PRELID2: variants seen among roughly 807,000 people sequenced by gnomAD.
The protein encoded by PRELID2 is PRELI domain containing 2.
PRELID2 carries 25 observed loss-of-function variants against 28.4 expected under a neutral mutation model. The observed-to-expected ratio is 0.88, with a 90% confidence interval of 0.64 to 1.23. The LOEUF is 1.23. Among genes scored for constraint, PRELID2 ranks in the 50% most tolerant of loss-of-function variants. The pLI, the probability that PRELID2 is intolerant of heterozygous loss-of-function variation, is 0.00. For synonymous variants in PRELID2, 76 were observed against 71.6 expected (o/e 1.06, Z -0.31); for missense variants, 201 against 214.4 (o/e 0.94, Z 0.39).
At chr5:145,713,931 A>C (rs1755774386) in intron 1 of PRELID2, among the ~76,000 whole-genome samples, 1 of 151,768 alleles carries the variant, frequency 6.6e-6, no homozygotes, top group African/African-American at 2.4e-5. Context: ...TTCTATATTC[A>C]GTGAAATTGT....
chr5:145,611,215 G>A (rs960112086), intron 1 of PRELID2, among the ~76,000 whole-genome samples: 2 of 152,000 alleles, frequency 1.3e-5, no homozygotes, highest in African/African-American at 4.8e-5. Context: ...CCAGGCTGGA[G>A]TGCAGTGGCA....
intron 1 of PRELID2, among the ~76,000 whole-genome samples, chr5:145,575,984 T>G (rs1237828402): frequency 1.3e-5 from 2 of 152,160 alleles, no homozygotes; most frequent in Admixed American, 1.3e-4. Flanking sequence ...CCTAAATTAT[T>G]CCTGCCCATC....
chr5:145,712,274 C>T (rs529312595), intron 1 of PRELID2, among the ~76,000 whole-genome samples: 1 of 152,234 alleles, frequency 6.6e-6, no homozygotes, highest in Non-Finnish European at 1.5e-5. Context: ...TCATCACTTC[C>T]TAATGATTTT....
rs1755251526 is a variant in PRELID2, at chr5:145,695,956, C to A, written n.70+68975G>T. ...AATCACTGGGGTCCATTTTAGCTAA[C>A]CCTGGCTAGCTAATTAACTATGTTA... On this transcript the variant is annotated intron_variant and non_coding_transcript_variant, in intron 1 of 2. Transcript: ENST00000510259. Among the ~76,000 whole-genome samples the A allele has an allele frequency of 2.0e-5, 3 of 152,026 alleles. No individual in the cohort carries two copies. The South Asian group carries it at 6.2e-4, about 32-fold the overall frequency.
chr5:145,826,325 G>A (rs987137226), intron 1 of PRELID2: 1 of 283,886 alleles, frequency 3.5e-6, no homozygotes, highest in Admixed American at 6.5e-5. Flanking sequence ...TGAAAGCAAT[G>A]TGATCTGAAG....
At chr5:145,604,369 G>C (rs945280966) in intron 1 of PRELID2, among the ~76,000 whole-genome samples, 4 of 152,054 alleles carry the variant, frequency 2.6e-5, no homozygotes, top group African/African-American at 9.7e-5. Flanking sequence ...CTGTGCACTA[G>C]TTCGCTTAGG....
At chr5:145,755,682 A>G (rs1390321974), downstream of PRELID2, among the ~76,000 whole-genome samples, 2 of 152,082 alleles carry the variant, frequency 1.3e-5, no homozygotes, top group Admixed American at 6.6e-5. Flanking sequence ...TTTTAATCCC[A>G]TTTTCCTATG....
chr5:145,584,660 C>T (rs189726222), intron 1 of PRELID2, among the ~76,000 whole-genome samples: 80 of 152,052 alleles, frequency 5.3e-4, no homozygotes, highest in Non-Finnish European at 7.4e-4. Flanking sequence ...AAGACATTCA[C>T]GCATTCAACA....
chr5:145,576,676 T>TAAAA (rs61665534), intron 1 of PRELID2, among the ~76,000 whole-genome samples: 2 of 141,438 alleles, frequency 1.4e-5, no homozygotes, highest in Admixed American at 7.0e-5. Flanking sequence ...AGCACAATAG[T>TAAAA]AAAAAAAAAA....
the PRELID2 span, among the ~76,000 whole-genome samples, chr5:145,447,440 T>TC: frequency 4.0e-4 from 33 of 83,282 alleles, no homozygotes; most frequent in Non-Finnish European, 7.3e-4. Flanking sequence ...AAATCTTTTC[T>TC]TTTTTTTTTG....
intron 1 of PRELID2, among the ~76,000 whole-genome samples, chr5:145,703,292 T>C (rs1755456444): frequency 6.6e-6 from 1 of 152,216 alleles, no homozygotes; most frequent in South Asian, 2.1e-4. Context: ...TAAGTGAACT[T>C]CGTTGATTCA....
chr5:145,658,508 T>C (rs988928445), intron 1 of PRELID2, among the ~76,000 whole-genome samples: 1 of 152,194 alleles, frequency 6.6e-6, no homozygotes, highest in Non-Finnish European at 1.5e-5. Context: ...CATGAATGAC[T>C]TAGTGCCATC....
At chr5:145,519,594 A>G (rs1261427087) in intron 1 of PRELID2, among the ~76,000 whole-genome samples, 1 of 152,200 alleles carries the variant, frequency 6.6e-6, no homozygotes, top group Non-Finnish European at 1.5e-5. Context: ...TTTATTAGCC[A>G]TATTTATTTT....
intron 1 of PRELID2, among the ~76,000 whole-genome samples, chr5:145,825,732 C>T (rs1214972543): frequency 1.3e-5 from 2 of 152,098 alleles, no homozygotes; most frequent in African/African-American, 4.8e-5. Context: ...AGCCAAGAGC[C>T]TCAAGTTTCC....
intron 1 of PRELID2, among the ~76,000 whole-genome samples, chr5:145,715,765 A>T (rs963038520): frequency 6.6e-6 from 1 of 152,154 alleles, no homozygotes; most frequent in African/African-American, 2.4e-5. Context: ...TGTCCCATGG[A>T]TGGCTTCTTC....
At chr5:145,642,191 T>C (rs908586115) in intron 1 of PRELID2, among the ~76,000 whole-genome samples, 8 of 152,236 alleles carry the variant, frequency 5.3e-5, no homozygotes, top group East Asian at 1.9e-4. Flanking sequence ...TTCCTGATTT[T>C]TTAATGATTG....
chr5:145,617,100 C>G (rs1753709206), intron 1 of PRELID2, among the ~76,000 whole-genome samples: 1 of 152,200 alleles, frequency 6.6e-6, no homozygotes, highest in African/African-American at 2.4e-5. Context: ...AAGGTTATCT[C>G]TCTTGTTCCC....
the PRELID2 span, among the ~76,000 whole-genome samples, chr5:145,421,386 T>C: frequency 6.6e-6 from 1 of 151,068 alleles, no homozygotes; most frequent in African/African-American, 2.4e-5. Flanking sequence ...GTTGGTAAGC[T>C]ATTGATTATT....
intron 1 of PRELID2, among the ~76,000 whole-genome samples, chr5:145,620,243 A>G (rs1387031740): frequency 6.6e-6 from 1 of 152,236 alleles, no homozygotes; most frequent in Non-Finnish European, 1.5e-5. Context: ...ATTTAAAAAT[A>G]TCATAGTGAA....
Sources: allele counts gnomAD v4.1 joint callset (sites outside exome capture counted in the v4.1 genomes callset), GRCh38; gene constraint gnomAD v4.1.1; transcripts MANE v1.5; gene names NCBI Gene and HGNC (gene_info 2026-07-23, HGNC 2026-07-21).